The following FMN2 variants were observed in gnomAD, a reference collection of about 807,000 sequenced individuals.
FMN2 encodes the protein formin 2.
FMN2 carries 51 observed loss-of-function variants against 142.3 expected under a neutral mutation model. The ratio of observed to expected loss-of-function variants is 0.36; its 90% confidence interval spans 0.29 to 0.45. The LOEUF is 0.45. Ranked by LOEUF, FMN2 falls within the 20% of genes least tolerant of loss-of-function variation. FMN2 has a pLI of 1.00. For missense variants in FMN2, 1,936 were observed against 2,122.8 expected (o/e 0.91, Z 1.73); for synonymous variants, 882 against 869.8 (o/e 1.01, Z -0.25).
intron 14 of FMN2, among the ~76,000 whole-genome samples, chr1:240,363,132 A>G (rs1233848395): frequency 1.3e-5 from 2 of 152,236 alleles, no homozygotes; most frequent in Non-Finnish European, 2.9e-5. Flanking sequence ...TGAAGAGCCT[A>G]GTAGAAGAGA....
At chr1:240,214,585 G>A (rs1446894043) in intron 6 of FMN2, among the ~76,000 whole-genome samples, 1 of 151,222 alleles carries the variant, frequency 6.6e-6, no homozygotes, top group Admixed American at 6.6e-5. Context: ...AAAAGAAAAA[G>A]TGATCTCTTA....
intron 1 of FMN2, among the ~76,000 whole-genome samples, chr1:240,113,361 C>T (rs928529818): frequency 2.6e-5 from 4 of 151,796 alleles, no homozygotes; most frequent in Non-Finnish European, 5.9e-5. Context: ...GTCAGGAGAT[C>T]GAGACCATCC....
intron 7 of FMN2, among the ~76,000 whole-genome samples, chr1:240,288,862 T>C (rs1270185990): frequency 6.6e-6 from 1 of 152,060 alleles, no homozygotes; most frequent in East Asian, 1.9e-4. Flanking sequence ...AGGAACTGAA[T>C]CCTGCCAACA....
chr1:240,248,442 T>G (rs1045689789), intron 6 of FMN2, among the ~76,000 whole-genome samples: 8 of 145,176 alleles, frequency 5.5e-5, no homozygotes, highest in South Asian at 2.2e-4. Flanking sequence ...GATATATATA[T>G]ATATATATAT....
intron 6 of FMN2, among the ~76,000 whole-genome samples, chr1:240,241,890 T>G (rs997934159): frequency 1.4e-5 from 2 of 142,620 alleles, no homozygotes; most frequent in Non-Finnish European, 3.0e-5. Flanking sequence ...AGGCTGGATC[T>G]CGCCTCACTG....
At chr1:240,254,012 G>T (rs901437943) in intron 6 of FMN2, among the ~76,000 whole-genome samples, 27 of 152,244 alleles carry the variant, frequency 1.8e-4, no homozygotes, top group African/African-American at 6.3e-4. Flanking sequence ...GGCTGAGCAT[G>T]CCTGTCCTTT....
At chr1:240,230,025 A>G (rs76040835) in intron 6 of FMN2, among the ~76,000 whole-genome samples, 4,916 of 131,356 alleles carry the variant, frequency 0.037, 1,547 homozygotes, top group African/African-American at 0.15. Flanking sequence ...CCAAAAATTT[A>G]TAGAAGAGAG....
intron 4 of FMN2, among the ~76,000 whole-genome samples, chr1:240,199,885 C>CT (rs972736572): frequency 1.3e-5 from 2 of 152,068 alleles, no homozygotes; most frequent in African/African-American, 2.4e-5. Context: ...TTCTCTTTTT[C>CT]TTTTTTTACA....
At chr1:240,232,935 TTTATC>T (rs1667576532) in intron 6 of FMN2, among the ~76,000 whole-genome samples, 1 of 152,238 alleles carries the variant, frequency 6.6e-6, no homozygotes, top group South Asian at 2.1e-4. Context: ...AGATATTTAT[TTTATC>T]TTTTCTGTGT....
chr1:240,383,513 A>G lies in FMN2; in HGVS notation c.4859-8998A>G, dbSNP rs56767849. 6.9e-3 allele frequency among the ~76,000 whole-genome samples: 1,050 copies of G among 152,316 alleles called. 8 individuals are homozygous for G. The highest frequency in any genetic ancestry group is 0.023 in the African/African-American group (970 of 41,554). On this transcript the variant is annotated intron_variant, in intron 14 of 17. Transcript: ENST00000319653. ...AAACTGCTGAACATTATTAGTCATC[A>G]GTGAAATGCAAATTAAAATCACAAT...
chr1:240,217,621 T>G (rs1311234994), intron 6 of FMN2, among the ~76,000 whole-genome samples: 1 of 152,020 alleles, frequency 6.6e-6, no homozygotes, highest in Non-Finnish European at 1.5e-5. Context: ...CAAGCATAGG[T>G]TTTGTGGAAT....
intron 2 of FMN2, among the ~76,000 whole-genome samples, chr1:240,168,969 T>G (rs1050902291): frequency 3.3e-5 from 5 of 151,982 alleles, no homozygotes; most frequent in Non-Finnish European, 7.4e-5. Context: ...TCCCAACACT[T>G]TGAGAGGGCC....
Position 240,159,886 on chromosome 1 carries a change from G to GAT in FMN2, c.1783-18022_1783-18021dup, listed in dbSNP as rs1165678839. On this transcript the variant is annotated intron_variant, in intron 2 of 17. Coordinates refer to ENST00000319653, the MANE Select transcript of FMN2 (RefSeq NM_020066.5). ...TATGAATTATTTGCATACATGGAGA[G>GAT]ATATATATATATATCTGTGTATATA... Among the ~76,000 whole-genome samples the GAT allele has an allele frequency of 1.1e-3, 155 of 135,416 alleles. 1 individual carries two copies. The highest frequency in any genetic ancestry group is 0.011 in the East Asian group (51 of 4,572). The allele number at this position is 135,416 out of a possible 152,430, so 88.8% of individuals were successfully genotyped here. A position where few individuals can be genotyped will look rare whatever the true frequency, so the allele number is the denominator to read the frequency against.
intron 7 of FMN2, among the ~76,000 whole-genome samples, chr1:240,291,487 A>G (rs992671881): frequency 6.6e-6 from 1 of 152,196 alleles, no homozygotes. Flanking sequence ...CTGAAATGTA[A>G]TCACATTAAC....
intron 16 of FMN2, among the ~76,000 whole-genome samples, chr1:240,444,087 A>G (rs1467753580): frequency 6.6e-6 from 1 of 152,088 alleles, no homozygotes; most frequent in Non-Finnish European, 1.5e-5. Context: ...GAACAACATC[A>G]CTTCTCTGTT....
intron 2 of FMN2, among the ~76,000 whole-genome samples, chr1:240,174,527 T>A (rs542625687): frequency 9.9e-5 from 15 of 152,226 alleles, no homozygotes; most frequent in Admixed American, 2.0e-4. Context: ...GCTAATTTTT[T>A]AAAAATTTTT....
chr1:240,331,248 T>C (rs1671371767), intron 11 of FMN2, among the ~76,000 whole-genome samples: 1 of 152,150 alleles, frequency 6.6e-6, no homozygotes. Context: ...CTGCATATGA[T>C]TTTCTCCTTG....
At chr1:240,295,400 C>T (rs1370046348) in intron 8 of FMN2, among the ~76,000 whole-genome samples, 1 of 152,138 alleles carries the variant, frequency 6.6e-6, no homozygotes, top group Non-Finnish European at 1.5e-5. Context: ...AGTTATTCAT[C>T]TTATAACTGA....
chr1:240,106,759 C>T (rs1262031272), intron 1 of FMN2, among the ~76,000 whole-genome samples: 2 of 151,530 alleles, frequency 1.3e-5, no homozygotes, highest in East Asian at 3.9e-4. Flanking sequence ...ATCTTGCTCA[C>T]TGCAACCTCC....
Sources: gnomAD v4.1 joint callset for allele counts (sites outside exome capture counted in the v4.1 genomes callset) on GRCh38, gnomAD v4.1.1 for gene constraint, MANE v1.5 for transcripts, NCBI Gene and HGNC (gene_info 2026-07-23, HGNC 2026-07-21) for gene names.